Variants in DPP6 observed in about 807,000 individuals in gnomAD.
DPP6 encodes the protein A-type potassium channel modulatory protein DPP6.
DPP6 carries 69 observed loss-of-function variants against 122.6 expected under a neutral mutation model. The ratio of observed to expected loss-of-function variants is 0.56; its 90% CI spans 0.46 to 0.69. The LOEUF is 0.69. Ranked by LOEUF, DPP6 falls within the 30% of genes least tolerant of loss-of-function variation. DPP6 has a pLI of 0.00. For missense variants in DPP6, 928 were observed against 1,116.9 expected (o/e 0.83, Z 2.41); for synonymous variants, 418 against 433.1 (o/e 0.97, Z 0.43).
At chr7:153,867,371 T>A in the DPP6 span, among the ~76,000 whole-genome samples, 1 of 152,252 alleles carries the variant, frequency 6.6e-6, no homozygotes, top group African/African-American at 2.4e-5. Context: ...TTCATATCCC[T>A]TGTAAATTGG....
chr7:154,028,166 T>C (rs1259548217), intron 1 of DPP6, among the ~76,000 whole-genome samples: 5 of 151,970 alleles, frequency 3.3e-5, no homozygotes, highest in African/African-American at 1.2e-4. Flanking sequence ...TTCTTAAAAA[T>C]GTGAGAAGCT....
At chr7:154,083,742 C>G (rs568591970) in intron 1 of DPP6, among the ~76,000 whole-genome samples, 78 of 150,306 alleles carry the variant, frequency 5.2e-4, no homozygotes, top group African/African-American at 1.9e-3. Context: ...GAGGAGGGAA[C>G]GGCCAATCCC....
intron 7 of DPP6, among the ~76,000 whole-genome samples, chr7:154,675,478 G>A (rs1175901355): frequency 6.6e-6 from 1 of 152,168 alleles, no homozygotes; most frequent in Non-Finnish European, 1.5e-5. Flanking sequence ...GGGCTCTCTG[G>A]AATGGCACAT....
At position 154,528,756 on chromosome 7, in the gene DPP6, G is replaced by A. The variant is rs1207093560; in HGVS notation, c.458-11776G>A. 2.6e-5 allele frequency among the ~76,000 whole-genome samples: 4 copies of A among 152,204 alleles called. No individual in the cohort carries two copies. The South Asian group carries it at 8.3e-4, about 31-fold the overall frequency. Reference sequence around the variant, plus strand: ...GAAGTATGGACTGAAAGCAGAGAGAGATTAATTCTGCCTGGAAAAGGCATG... The same window carrying A: ...GAAGTATGGACTGAAAGCAGAGAGAAATTAATTCTGCCTGGAAAAGGCATG... On this transcript the variant is annotated intron_variant, in intron 3 of 25. Coordinates refer to ENST00000377770, the MANE Select transcript of DPP6 (RefSeq NM_130797.4).
chr7:154,738,592 G>A (rs1842678763), intron 8 of DPP6, among the ~76,000 whole-genome samples: 1 of 152,220 alleles, frequency 6.6e-6, no homozygotes, highest in African/African-American at 2.4e-5. Context: ...GGAAGTTGGA[G>A]TGAGGCAGTA....
chr7:154,505,359 C>T lies in DPP6; in HGVS notation c.457+30322C>T, dbSNP rs1198859208. Among the ~76,000 whole-genome samples the T allele has an allele frequency of 4.6e-5, 7 of 152,134 alleles. No individual in the cohort carries two copies. The East Asian group carries it at 1.3e-3, about 29-fold the overall frequency. On this transcript the variant is annotated intron_variant, in intron 3 of 25. Transcript: ENST00000377770. ...TATTATCATCTTATATATTATGCAACGTTTGACACAATGAATTAATAGTAT... is the reference window on the plus strand; with the variant it reads ...TATTATCATCTTATATATTATGCAATGTTTGACACAATGAATTAATAGTAT...
At chr7:154,473,156 A>T (rs1375901678) in intron 2 of DPP6, among the ~76,000 whole-genome samples, 1 of 152,228 alleles carries the variant, frequency 6.6e-6, no homozygotes, top group Non-Finnish European at 1.5e-5. Context: ...AGAATGTCTC[A>T]GGAAGTTTTA....
intron 20 of DPP6, among the ~76,000 whole-genome samples, chr7:154,878,472 C>T (rs976499036): frequency 6.6e-6 from 1 of 152,222 alleles, no homozygotes. Flanking sequence ...CCCAATGGCG[C>T]CAAGCCATAG....
At chr7:154,310,758 T>A (rs1265527361) in intron 1 of DPP6, among the ~76,000 whole-genome samples, 1 of 152,038 alleles carries the variant, frequency 6.6e-6, no homozygotes, top group Non-Finnish European at 1.5e-5. Context: ...AAGATGCTAA[T>A]CACTTAGAGG....
chr7:153,868,999 G>T, the DPP6 span, among the ~76,000 whole-genome samples: 4 of 152,096 alleles, frequency 2.6e-5, no homozygotes, highest in African/African-American at 9.7e-5. Flanking sequence ...TAGTTTGATT[G>T]CACTGTGGTC....
intron 1 of DPP6, among the ~76,000 whole-genome samples, chr7:153,915,344 G>A (rs546482692): frequency 6.6e-6 from 1 of 152,188 alleles, no homozygotes; most frequent in African/African-American, 2.4e-5. Flanking sequence ...CTACCCCCAT[G>A]CCAAGCTGTC....
the DPP6 span, among the ~76,000 whole-genome samples, chr7:153,765,928 T>C: frequency 1.2e-4 from 19 of 152,322 alleles, no homozygotes; most frequent in African/African-American, 4.6e-4. Flanking sequence ...ACCATCTTGG[T>C]GTTCTTGTTA....
intron 1 of DPP6, among the ~76,000 whole-genome samples, chr7:154,032,920 T>C (rs1432154546): frequency 7.4e-6 from 1 of 134,780 alleles, no homozygotes; most frequent in Non-Finnish European, 1.6e-5. Context: ...TTTATATACC[T>C]GTGACTGCCT....
In DPP6 at chr7:154,893,039, C is replaced by A; in HGVS notation, c.*559C>A. 1 of 468,886 alleles carries A rather than the reference C, an allele frequency of 2.1e-6. No homozygotes were observed. The highest frequency in any genetic ancestry group is 4.3e-6 in the Non-Finnish European group (1 of 232,998). The allele number at this position is 468,886 out of a possible 1,614,324, so 29.0% of individuals were successfully genotyped here. A position where few individuals can be genotyped will look rare whatever the true frequency, so the allele number is the denominator to read the frequency against. ...AAGAAAACGCTTTTCTGTACAGAGT[C>A]TTACTGTAGCTACGCTAATGGTTAA... On this transcript the variant is annotated 3_prime_UTR_variant, in exon 26 of 26. Coordinates refer to ENST00000377770, the MANE Select transcript of DPP6 (RefSeq NM_130797.4).
chr7:153,844,098 C>T, the DPP6 span, among the ~76,000 whole-genome samples: 4 of 152,166 alleles, frequency 2.6e-5, no homozygotes, highest in African/African-American at 4.8e-5. Flanking sequence ...CCTGACTGCA[C>T]GTCTGTTCAT....
intron 1 of DPP6, among the ~76,000 whole-genome samples, chr7:154,168,434 C>T (rs942555479): frequency 1.3e-5 from 2 of 152,172 alleles, no homozygotes; most frequent in Non-Finnish European, 2.9e-5. Flanking sequence ...AAGGAAAATA[C>T]ACTATTTGTA....
At chr7:154,072,751 T>C (rs1585314133) in intron 1 of DPP6, among the ~76,000 whole-genome samples, 2 of 152,268 alleles carry the variant, frequency 1.3e-5, no homozygotes, top group Non-Finnish European at 2.9e-5. Flanking sequence ...TTGGGGGACT[T>C]GTCCCAGCAC....
At chr7:154,573,809 G>A (rs1158340613) in intron 5 of DPP6, among the ~76,000 whole-genome samples, 2 of 152,222 alleles carry the variant, frequency 1.3e-5, no homozygotes, top group African/African-American at 4.8e-5. Context: ...TTGGGAAACT[G>A]TTTAAAGGCT....
intron 8 of DPP6, among the ~76,000 whole-genome samples, chr7:154,768,788 T>C (rs763808680): frequency 1.3e-5 from 2 of 152,214 alleles, no homozygotes. Flanking sequence ...TGAAGATGGA[T>C]CCATTTTGGT....
Sources: gnomAD v4.1 joint callset for allele counts (sites outside exome capture counted in the v4.1 genomes callset) on GRCh38, gnomAD v4.1.1 for gene constraint, MANE v1.5 for transcripts, NCBI Gene and HGNC (gene_info 2026-07-23, HGNC 2026-07-21) for gene names.